The following DCP1B variants were observed in gnomAD, a reference collection of about 807,000 sequenced individuals.
DCP1B encodes decapping mRNA 1B, also known as mRNA-decapping enzyme 1B.
Under a neutral mutation model 60.5 loss-of-function variants are expected in DCP1B, and 47 were observed. The ratio of observed to expected loss-of-function variants is 0.78; its 90% CI spans 0.61 to 0.99. The LOEUF (loss-of-function observed/expected upper bound fraction) is 0.99. Ranked by LOEUF, DCP1B falls within the 50% of genes least tolerant of loss-of-function variation. The probability of loss-of-function intolerance (pLI) is 0.00; values close to 1 mark genes in which losing one functional copy is unlikely to be tolerated. For missense variants in DCP1B, 725 were observed against 756.8 expected (o/e 0.96, Z 0.49); for synonymous variants, 267 against 280.3 (o/e 0.95, Z 0.47).
chr12:1,954,720 T>C (rs1457496130), intron 6 of DCP1B, among the ~76,000 whole-genome samples: 1 of 152,142 alleles, frequency 6.6e-6, no homozygotes, highest in East Asian at 1.9e-4. Flanking sequence ...GAGGAGGTGC[T>C]CAGAAGTGCT....
chr12:1,955,880 T>C (rs184728431), intron 5 of DCP1B, among the ~76,000 whole-genome samples: 561 of 152,322 alleles, frequency 3.7e-3, no homozygotes, highest in African/African-American at 0.012. Flanking sequence ...TAAATATATA[T>C]AGTCTAATGT....
At position 1,996,330 on chromosome 12, in the gene DCP1B, A is replaced by G. The variant is rs997760662; in HGVS notation, c.191+1605T>C. 3.5e-4 allele frequency among the ~76,000 whole-genome samples: 53 copies of G among 152,114 alleles called. 1 individual carries two copies. Among genetic ancestry groups the G allele is most frequent in the African/African-American group, 1.3e-3 (53 of 41,418 alleles). On this transcript the variant is annotated intron_variant, in intron 2 of 8. Coordinates refer to ENST00000280665, the MANE Select transcript of DCP1B (RefSeq NM_152640.5). ...CCATTCCAAGCTAGCAAATCTCTTT[A>G]CACTTGCTAACTACTATAAACCAGT...
rs144011814 is a variant in DCP1B at position 1,967,496 on chromosome 12, C to G, written c.386+348G>C. Among the ~76,000 whole-genome samples, 3 of 152,274 alleles carry G rather than the reference C, an allele frequency of 2.0e-5. No homozygotes were observed. In the East Asian group the frequency reaches 5.8e-4, roughly 29 times the overall value. On this transcript the variant is annotated intron_variant, in intron 4 of 8. Coordinates refer to ENST00000280665, the MANE Select transcript of DCP1B (RefSeq NM_152640.5). ...TCGGGAGCAGACTTTTAGGATGGCTCTGAATGTTCTTTTTACCAACAGGCA... is the reference window on the plus strand; with the variant it reads ...TCGGGAGCAGACTTTTAGGATGGCTGTGAATGTTCTTTTTACCAACAGGCA...
intron 3 of DCP1B, among the ~76,000 whole-genome samples, chr12:1,977,820 A>T (rs1470949796): frequency 6.6e-6 from 1 of 152,212 alleles, no homozygotes; most frequent in Non-Finnish European, 1.5e-5. Flanking sequence ...TGACTTTCTT[A>T]CTGCTATTAT....
At chr12:1,954,538 A>G (rs1357238578) in intron 6 of DCP1B, among the ~76,000 whole-genome samples, 9 of 25,476 alleles carry the variant, frequency 3.5e-4, no homozygotes, top group East Asian at 2.7e-3. Context: ...TCTGAAGTGT[A>G]TATATATATA....
chr12:1,961,998 G>C (rs910907054), intron 5 of DCP1B, among the ~76,000 whole-genome samples: 2 of 152,148 alleles, frequency 1.3e-5, no homozygotes, highest in African/African-American at 4.8e-5. Context: ...AGGTCCTGGA[G>C]ACAAGAGGCA....
At chr12:1,993,499 G>T (rs1304744508) in intron 2 of DCP1B, 108 bp from the exon 3 acceptor site, 5 of 1,398,602 alleles carry the variant, frequency 3.6e-6, no homozygotes, top group African/African-American at 1.4e-5. Flanking sequence ...GTTTGTATAT[G>T]CAGCTTTATA....
intron 7 of DCP1B, among the ~76,000 whole-genome samples, chr12:1,951,944 C>T (rs1435530121): frequency 2.6e-5 from 4 of 152,156 alleles, no homozygotes; most frequent in Non-Finnish European, 5.9e-5. Context: ...TTCAGACCTC[C>T]TAATATAACG....
intron 3 of DCP1B, chr12:1,991,283 T>C (rs1198024976): frequency 8.8e-6 from 4 of 454,448 alleles, no homozygotes; most frequent in South Asian, 1.6e-5. Context: ...CTCCACAAAA[T>C]TGTGATTATT....
intron 2 of DCP1B, among the ~76,000 whole-genome samples, chr12:1,994,438 T>G (rs1392075737): frequency 2.0e-5 from 3 of 152,240 alleles, no homozygotes; most frequent in Non-Finnish European, 4.4e-5. Context: ...AACCTCCAAT[T>G]TTAAAATTGA....
In DCP1B at chr12:1,971,921, G is replaced by T. The variant is rs2032463786; in HGVS notation, c.320-4011C>A. On this transcript the variant is annotated intron_variant, in intron 3 of 8. Coordinates refer to ENST00000280665, the MANE Select transcript of DCP1B (RefSeq NM_152640.5). The surrounding 1 kb of genome is among the most constrained non-coding windows in gnomAD (Gnocchi z 4.2). ...TTGTAATCGTCTAATGAGGACATGT[G>T]ATAATGTTTGTGTAAATTTTTAAAA... Among the ~76,000 whole-genome samples the T allele has an allele frequency of 6.6e-6, 1 of 152,174 alleles. No homozygotes were observed. Among genetic ancestry groups the T allele is most frequent in the Non-Finnish European group, 1.5e-5 (1 of 68,022 alleles).
At chr12:1,967,755 T>C in intron 4 of DCP1B, 89 bp downstream of exon 4, 2 of 1,074,288 alleles carry the variant, frequency 1.9e-6, no homozygotes, top group Non-Finnish European at 2.8e-6. Context: ...GGAGATATAT[T>C]CTGTTAAGAC....
intron 3 of DCP1B, among the ~76,000 whole-genome samples, chr12:1,981,780 T>A (rs1424041077): frequency 6.6e-6 from 1 of 152,122 alleles, no homozygotes; most frequent in Non-Finnish European, 1.5e-5. Context: ...CACAAAAACA[T>A]CCAGGGAGGT....
At chr12:1,978,826 CAT>C (rs955035778) in intron 3 of DCP1B, among the ~76,000 whole-genome samples, 43 of 152,314 alleles carry the variant, frequency 2.8e-4, no homozygotes, top group African/African-American at 7.9e-4. Context: ...CTTTGCTCAA[CAT>C]GTTTCTGAAA....
intron 4 of DCP1B, among the ~76,000 whole-genome samples, chr12:1,967,087 T>C (rs2031321403): frequency 6.6e-6 from 1 of 152,188 alleles, no homozygotes; most frequent in South Asian, 2.1e-4. Context: ...GGGAAATAAC[T>C]GCCTCACAGT....
In DCP1B at chr12:1,953,107, T is replaced by A. The variant is rs1200126756; in HGVS notation, c.833A>T (p.Glu278Val). Residue 278 changes from glutamate (E) to valine (V), a missense_variant, in exon 7 of 9, where the codon GAA (glutamate) becomes GTA (valine). Transcript: ENST00000280665. Reference protein sequence around the residue: ...QGVVRSLSYEEPRRHSPPIEK... With the variant: ...QGVVRSLSYEVPRRHSPPIEK... ...AATGGGGGGTGAGTGTCTTCTGGGT[T>A]CCTCATAGGACAGGGAGCGTACAAC... is the stretch of plus-strand genomic sequence containing the variant. The A allele has an allele frequency of 6.2e-7, 1 of 1,613,950 alleles. No individual in the cohort carries two copies. The highest frequency in any genetic ancestry group is 8.5e-7 in the Non-Finnish European group (1 of 1,180,034).
intron 3 of DCP1B, chr12:1,992,102 A>T: frequency 3.0e-6 from 1 of 336,536 alleles, no homozygotes; most frequent in Non-Finnish European, 6.2e-6. Context: ...CTTTAGTAAT[A>T]AACTACAATT....
Position 2,004,356 on chromosome 12 carries a change from G to A in DCP1B, c.76C>T (p.Pro26Ser). 1 of 1,613,294 alleles carries A rather than the reference G, an allele frequency of 6.2e-7. No homozygotes were observed. Among genetic ancestry groups the A allele is most frequent in the Non-Finnish European group, 8.5e-7 (1 of 1,179,944 alleles). Reference sequence around the variant, plus strand: ...ACGTCCACGATGCGGTTGATATAGGGGTCGTGGCGCTGCAGGGCCGCTAGG... The same window carrying A: ...ACGTCCACGATGCGGTTGATATAGGAGTCGTGGCGCTGCAGGGCCGCTAGG... ...ISLAALQRHD[P>S]YINRIVDVAS... Residue 26 changes from proline (P) to serine (S), a missense_variant, in exon 1 of 9, where the codon CCC (proline) becomes TCC (serine). Transcript: ENST00000280665.
chr12:1,957,818 T>C (rs2030940362), intron 5 of DCP1B, among the ~76,000 whole-genome samples: 1 of 152,270 alleles, frequency 6.6e-6, no homozygotes, highest in African/African-American at 2.4e-5. Context: ...GTTTTCAAAT[T>C]ATTTTATTAA....
Sources: gnomAD v4.1 joint callset for allele counts (sites outside exome capture counted in the v4.1 genomes callset) on GRCh38, gnomAD v4.1.1 for gene constraint, Gnocchi (gnomAD v3.1) non-coding constraint, MANE v1.5 for transcripts, NCBI Gene and HGNC (gene_info 2026-07-23, HGNC 2026-07-21) for gene names.